GLB1L2: variants seen among roughly 807,000 people sequenced by gnomAD.
GLB1L2 encodes galactosidase beta 1 like 2.
A neutral mutation model predicts 84.1 loss-of-function variants in GLB1L2; 68 were observed. That is an observed-to-expected ratio of 0.81 (90% CI 0.67 to 0.99). The LOEUF (loss-of-function observed/expected upper bound fraction) is 0.99, where lower values mean the gene tolerates loss of function less well. Among genes scored for constraint, GLB1L2 ranks in the 50% least tolerant of loss-of-function variants. The probability of loss-of-function intolerance (pLI) is 0.00; values close to 1 mark genes in which losing one functional copy is unlikely to be tolerated. For synonymous variants in GLB1L2, 290 were observed against 318.0 expected (o/e 0.91, Z 0.94); for missense variants, 762 against 805.6 (o/e 0.95, Z 0.66).
At chr11:134,371,687 C>T in intron 14 of GLB1L2, 65 bp from the exon 15 acceptor site, 3 of 1,541,838 alleles carry the variant, frequency 1.9e-6, no homozygotes, top group Non-Finnish European at 2.7e-6. Flanking sequence ...CTGGGGTCCA[C>T]AAGCAAATTC....
intron 10 of GLB1L2, among the ~76,000 whole-genome samples, chr11:134,369,588 T>TACAGGTGTGA (rs1398694747): frequency 6.6e-6 from 1 of 152,108 alleles, no homozygotes. Context: ...GTGCTGGGAT[T>TACAGGTGTGA]GCAGGTGTGA....
At chr11:134,371,298 C>A in intron 13 of GLB1L2, 123 bp from the exon 14 acceptor site, 2 of 1,222,666 alleles carry the variant, frequency 1.6e-6, no homozygotes, top group South Asian at 1.2e-5. Context: ...GCATTCATGT[C>A]TGCTCTGCCC....
At chr11:134,361,921 C>G (rs994999237) in intron 7 of GLB1L2, among the ~76,000 whole-genome samples, 2 of 152,186 alleles carry the variant, frequency 1.3e-5, no homozygotes, top group African/African-American at 2.4e-5. Context: ...TCCTCGCCCC[C>G]GGCCAAGTTC....
At chr11:134,355,331 C>T (rs1438305986) in intron 5 of GLB1L2, among the ~76,000 whole-genome samples, 1 of 152,138 alleles carries the variant, frequency 6.6e-6, no homozygotes, top group Non-Finnish European at 1.5e-5. Context: ...TCTTCAGATA[C>T]TGCTTTTGGA....
rs765721019 is a variant in GLB1L2 at position 134,345,104 on chromosome 11, G to A, written c.424G>A (p.Glu142Lys). The change falls in exon 4 of 19, where the codon GAG becomes AAG. Residue 142 changes from glutamate to lysine, a missense_variant. Glu to Lys is a moderately conservative substitution (Grantham distance 56, BLOSUM62 1). Transcript: ENST00000535456. The stretch of plus-strand genomic sequence containing the variant: ...GCGTCCAGGCCCCTACATCTGCAGT[G>A]AGATGGACCTCGGGGGCTTGCCCAG... ...ILRPGPYICS[E>K]MDLGGLPSWL... 2 of 1,613,204 alleles carry A rather than the reference G, an allele frequency of 1.2e-6. No individual in the cohort carries two copies. The highest frequency in any genetic ancestry group is 1.1e-5 in the South Asian group (1 of 90,958).
chr11:134,358,198 C>T (rs906546031), intron 6 of GLB1L2, among the ~76,000 whole-genome samples: 2 of 152,214 alleles, frequency 1.3e-5, no homozygotes, highest in African/African-American at 2.4e-5. Context: ...GGGAAGATTA[C>T]GAGAAGACAC....
intron 1 of GLB1L2, among the ~76,000 whole-genome samples, chr11:134,333,969 C>T (rs547005935): frequency 1.3e-5 from 2 of 152,158 alleles, no homozygotes. Flanking sequence ...TTTTTGGCAT[C>T]TTTTTGATTT....
intron 5 of GLB1L2, 195 bp from the exon 6 acceptor site, chr11:134,356,106 C>T: frequency 1.4e-6 from 1 of 691,614 alleles, no homozygotes; most frequent in Admixed American, 2.0e-5. Context: ...TTTAGTCAGT[C>T]TGGAGTTGTT....
At chr11:134,333,369 C>T (rs999623820) in intron 1 of GLB1L2, among the ~76,000 whole-genome samples, 7 of 152,202 alleles carry the variant, frequency 4.6e-5, no homozygotes, top group African/African-American at 1.7e-4. Flanking sequence ...GTGGGATGCT[C>T]AGCTTTCCTC....
In GLB1L2 at chr11:134,368,516, G is replaced by A. The variant is rs1013331965; in HGVS notation, c.890-128G>A. 8.9e-6 allele frequency: 8 copies of A among 901,408 alleles called. No homozygotes were observed. In the African/African-American group the frequency reaches 1.3e-4, roughly 15 times the overall value. The allele number at this position is 901,408 out of a possible 1,614,324, so 55.8% of individuals were successfully genotyped here. A position where few individuals can be genotyped will look rare whatever the true frequency, so the allele number is the denominator to read the frequency against. ...GATTGGGGTTTTATGAGAGCTAGAA[G>A]GACAGAGTGACAAAGTTGGCCTTGA... On this transcript the variant is annotated intron_variant, in intron 9 of 18. Transcript: ENST00000535456.
In GLB1L2 at chr11:134,332,120, T is replaced by C; in HGVS notation, c.59T>C (p.Val20Ala). ...PARTLGLLLL[V>A]VLGFLVLRRL... ...CGCACGCTGGGACTCCTGCTGCTGG[T>C]CGTCTTGGGCTTCCTGGTGCTCCGC... The change falls in exon 1 of 19, where the codon GTC (valine) becomes GCC (alanine). Residue 20 changes from valine (V) to alanine (A), a missense_variant. By Grantham distance (64) the Val-to-Ala change is moderately conservative. Transcript: ENST00000535456. 6.3e-7 allele frequency: 1 copy of C among 1,587,184 alleles called. No individual in the cohort carries two copies. Among genetic ancestry groups the C allele is most frequent in the Non-Finnish European group, 8.6e-7 (1 of 1,168,634 alleles).
intron 5 of GLB1L2, among the ~76,000 whole-genome samples, chr11:134,355,193 A>T (rs1349926914): frequency 6.6e-6 from 1 of 152,176 alleles, no homozygotes; most frequent in East Asian, 1.9e-4. Context: ...TCTTTTAAAA[A>T]TAATCTCTGT....
At chr11:134,337,544 A>C (rs1591608839) in intron 1 of GLB1L2, among the ~76,000 whole-genome samples, 1 of 152,234 alleles carries the variant, frequency 6.6e-6, no homozygotes, top group East Asian at 1.9e-4. Context: ...TCTTTTGCTG[A>C]GGGTGGAGAG....
Position 134,333,546 on chromosome 11 carries a change from A to C in GLB1L2, c.86+1399A>C, listed in dbSNP as rs182992137. ...AGGAGTCCGTGCAGGGGACCCAGGC[A>C]GGTCACTATTTGGGGCAGCACTGTG... On this transcript the variant is annotated intron_variant, in intron 1 of 18. Transcript: ENST00000535456. Among the ~76,000 whole-genome samples the C allele has an allele frequency of 2.2e-3, 336 of 152,342 alleles. 3 individuals carry two copies. The highest frequency in any genetic ancestry group is 8.2e-4 in the Non-Finnish European group (56 of 68,026).
chr11:134,361,943 C>T (rs1421484504), intron 7 of GLB1L2, among the ~76,000 whole-genome samples: 4 of 152,176 alleles, frequency 2.6e-5, no homozygotes, highest in African/African-American at 4.8e-5. Flanking sequence ...TCAGGGAGCC[C>T]GCCCTCCCCT....
chr11:134,360,344 T>G (rs990141198), intron 7 of GLB1L2: 2 of 152,334 alleles, frequency 1.3e-5, no homozygotes, highest in African/African-American at 2.4e-5. Flanking sequence ...AGGAAAAGGC[T>G]TTTGTCCCCA....
intron 17 of GLB1L2, 118 bp downstream of exon 17, chr11:134,374,374 G>A: frequency 2.2e-6 from 2 of 902,402 alleles, no homozygotes; most frequent in Non-Finnish European, 3.6e-6. Flanking sequence ...CAGAGGGTCT[G>A]AGAGGGCCGC....
At chr11:134,343,269 C>T (rs1943497437) in intron 2 of GLB1L2, among the ~76,000 whole-genome samples, 1 of 152,166 alleles carries the variant, frequency 6.6e-6, no homozygotes, top group South Asian at 2.1e-4. Context: ...CCAGTTTATA[C>T]AGCCAGTGAA....
intron 5 of GLB1L2, among the ~76,000 whole-genome samples, chr11:134,348,104 A>C (rs1331723430): frequency 1.3e-5 from 2 of 152,196 alleles, no homozygotes; most frequent in African/African-American, 4.8e-5. Context: ...GGCATTGAGA[A>C]ATTAGTACAT....
Sources: gnomAD v4.1 joint callset for allele counts (sites outside exome capture counted in the v4.1 genomes callset) on GRCh38, gnomAD v4.1.1 for gene constraint, MANE v1.5 for transcripts, NCBI Gene and HGNC (gene_info 2026-07-23, HGNC 2026-07-21) for gene names.